LAMA4: variants seen among roughly 807,000 people sequenced by gnomAD.
LAMA4 encodes laminin subunit alpha-4.
In LAMA4, 127 loss-of-function variants were observed where a neutral mutation model predicts 207.1. The ratio of observed to expected loss-of-function variants is 0.61; its 90% confidence interval spans 0.53 to 0.71. The LOEUF (loss-of-function observed/expected upper bound fraction) is 0.71, where lower values mean the gene tolerates loss of function less well. Ranked by LOEUF, LAMA4 falls within the 30% of genes least tolerant of loss-of-function variation. The pLI, the probability that LAMA4 is intolerant of heterozygous loss-of-function variation, is 0.00. For synonymous variants in LAMA4, 761 were observed against 816.0 expected (o/e 0.93, Z 1.15); for missense variants, 2,093 against 2,246.5 (o/e 0.93, Z 1.38).
At chr6:112,145,018 C>A in intron 18 of LAMA4, 85 bp from the exon 19 acceptor site, 1 of 1,223,294 alleles carries the variant, frequency 8.2e-7, no homozygotes. Context: ...ACATGGATTA[C>A]ATATGGTAGA....
intron 32 of LAMA4, among the ~76,000 whole-genome samples, chr6:112,120,935 A>G (rs998624509): frequency 2.0e-5 from 3 of 152,050 alleles, no homozygotes; most frequent in Admixed American, 2.0e-4. Context: ...TTAGCCAGGG[A>G]TGGTGGTGCG....
intron 31 of LAMA4, among the ~76,000 whole-genome samples, chr6:112,126,751 A>C (rs1394413285): frequency 2.0e-5 from 3 of 152,194 alleles, no homozygotes; most frequent in Admixed American, 1.3e-4. Flanking sequence ...AAGATGTTCA[A>C]CCTCACTAGC....
chr6:112,191,867 C>T lies in LAMA4; in HGVS notation c.504-17G>A. ...GGAGCACATCTGAAGAGGAATATCA[C>T]ACATTTAAATATTTAGCATCATGGT... is the stretch of plus-strand genomic sequence containing the variant. On this transcript the variant is annotated splice_polypyrimidine_tract_variant and intron_variant, in intron 5 of 38. Transcript: ENST00000230538. The T allele has an allele frequency of 6.4e-7, 1 of 1,555,682 alleles. No homozygotes were observed. Among genetic ancestry groups the T allele is most frequent in the Non-Finnish European group, 8.9e-7 (1 of 1,127,736 alleles).
chr6:112,176,256 C>G (rs1186572273), intron 10 of LAMA4, among the ~76,000 whole-genome samples: 1 of 152,172 alleles, frequency 6.6e-6, no homozygotes, highest in Non-Finnish European at 1.5e-5. Context: ...GACTGAAATA[C>G]GTCTTTGAAT....
At chr6:112,154,357 C>CAAAAAAAAAAAA (rs55988988) in intron 16 of LAMA4, among the ~76,000 whole-genome samples, 2 of 120,268 alleles carry the variant, frequency 1.7e-5, no homozygotes, top group African/African-American at 3.0e-5. Context: ...ACACAAACTA[C>CAAAAAAAAAAAA]AAAAAAAAAA....
chr6:112,221,310 T>A (rs568372489), intron 2 of LAMA4, among the ~76,000 whole-genome samples: 7 of 152,224 alleles, frequency 4.6e-5, no homozygotes, highest in African/African-American at 1.7e-4. Context: ...TTATTTGCAT[T>A]GTGTTTCCAA....
At position 112,142,359 on chromosome 6, in the gene LAMA4, C is replaced by T. The variant is rs1779751027; in HGVS notation, c.2494-67G>A. On this transcript the variant is annotated intron_variant, in intron 19 of 38. Transcript: ENST00000230538. Reference sequence around the variant, plus strand: ...ATGGGCAGAGTGCTTTCCCGTGCTTCCCTCATTCGTGACAGGGGCCTATAA... The same window carrying T: ...ATGGGCAGAGTGCTTTCCCGTGCTTTCCTCATTCGTGACAGGGGCCTATAA... 6 of 1,455,460 alleles carry T rather than the reference C, an allele frequency of 4.1e-6. No individual in the cohort carries two copies. The South Asian group carries it at 5.7e-5, about 14-fold the overall frequency. 90.2% of individuals were successfully genotyped at this position (1,455,460 alleles called of 1,614,324 possible).
In LAMA4 at chr6:112,141,636, G is replaced by A. The variant is rs1441903419; in HGVS notation, c.2668-133C>T. ...CTTCTGGCCTGAATTATTATCCGAA[G>A]CTCCTGTGAGCAGGCAGTGTCTCTT... On this transcript the variant is annotated intron_variant, in intron 20 of 38. Transcript: ENST00000230538. 4 of 722,906 alleles carry A rather than the reference G, an allele frequency of 5.5e-6. No individual in the cohort carries two copies. In the African/African-American group the frequency reaches 7.1e-5, roughly 13 times the overall value. The allele number at this position is 722,906 out of a possible 1,614,324, so 44.8% of individuals were successfully genotyped here.
At chr6:112,165,747 T>A (rs1385667293) in intron 12 of LAMA4, among the ~76,000 whole-genome samples, 1 of 152,204 alleles carries the variant, frequency 6.6e-6, no homozygotes, top group Non-Finnish European at 1.5e-5. Flanking sequence ...TATGTCCTTT[T>A]AAAAATTAAA....
intron 2 of LAMA4, among the ~76,000 whole-genome samples, chr6:112,231,516 G>A (rs782227609): frequency 2.4e-4 from 37 of 152,150 alleles, no homozygotes; most frequent in Non-Finnish European, 4.6e-4. Flanking sequence ...AATAGACCAC[G>A]AAGCAAATAA....
intron 28 of LAMA4, among the ~76,000 whole-genome samples, chr6:112,131,939 C>A (rs762565833): frequency 1.3e-5 from 2 of 152,116 alleles, no homozygotes; most frequent in Admixed American, 6.6e-5. Context: ...CTCTACAGAC[C>A]TTAGTTTATT....
chr6:112,226,664 C>G (rs1235535664), intron 2 of LAMA4, among the ~76,000 whole-genome samples: 7 of 152,276 alleles, frequency 4.6e-5, no homozygotes, highest in South Asian at 4.1e-4. Flanking sequence ...CATAGTCATT[C>G]GCAAATAGCA....
At chr6:112,254,361 C>G (rs1265115146) in intron 1 of LAMA4, 70 bp from the exon 2 acceptor site, 1 of 612,152 alleles carries the variant, frequency 1.6e-6, no homozygotes, top group African/African-American at 1.8e-5. Context: ...CTCTCTCTCC[C>G]CTTCTCCCCC....
In LAMA4 at chr6:112,141,467, C is replaced by T; in HGVS notation, c.2704G>A (p.Asp902Asn). Residue 902 changes from aspartate to asparagine, a missense_variant, in exon 21 of 39, where the codon GAT becomes AAT. Asp to Asn is a conservative substitution (Grantham distance 23, BLOSUM62 1). Around this residue, in one of 3 missense-constraint regions of LAMA4, gnomAD observed 1,704 missense variants for 1,788.4 expected, o/e 0.95. Transcript: ENST00000230538. The stretch of plus-strand genomic sequence containing the variant: ...AAATTATAGACGTATACCAGATTAT[C>T]ATTTTTGATTGCAAGACCCATATAC... The part of the protein sequence containing the change: ...KEYMGLAIKN[D>N]NLVYVYNLGT... 6.2e-7 allele frequency: 1 copy of T among 1,610,976 alleles called. No homozygotes were observed. Among genetic ancestry groups the T allele is most frequent in the Non-Finnish European group, 8.5e-7 (1 of 1,177,136 alleles).
chr6:112,165,009 C>T (rs1452343365), intron 13 of LAMA4, 151 bp downstream of exon 13: 16 of 696,080 alleles, frequency 2.3e-5, no homozygotes, highest in African/African-American at 1.8e-4. Flanking sequence ...TGGTGGTCAT[C>T]GTACAGTGCA....
At chr6:112,206,016 C>T (rs1334928605) in intron 4 of LAMA4, among the ~76,000 whole-genome samples, 2 of 152,224 alleles carry the variant, frequency 1.3e-5, no homozygotes, top group Non-Finnish European at 2.9e-5. Flanking sequence ...TCTTCACTCC[C>T]ACTTCTCCAT....
In LAMA4 at chr6:112,114,662, C is replaced by T. The variant is rs368035482; in HGVS notation, c.5206+1G>A. The T allele has an allele frequency of 2.1e-5, 33 of 1,606,938 alleles. No individual in the cohort carries two copies. Among genetic ancestry groups the T allele is most frequent in the Non-Finnish European group, 2.7e-5 (32 of 1,173,758 alleles). On this transcript the variant is annotated splice_donor_variant, in intron 37 of 38. Coordinates refer to ENST00000230538, the MANE Select transcript of LAMA4 (RefSeq NM_001105206.3). LOFTEE classifies it high-confidence loss of function. ...CTCCCCAGGGCAGTCAGTTTTCTCA[C>T]CTGTAATTCTGTGCCATCTGCCATC... is the stretch of plus-strand genomic sequence containing the variant.
chr6:112,186,561 C>T (rs1185473905), intron 8 of LAMA4, among the ~76,000 whole-genome samples: 1 of 152,126 alleles, frequency 6.6e-6, no homozygotes, highest in Non-Finnish European at 1.5e-5. Flanking sequence ...GGAGATTGGT[C>T]CCAGGACCCC....
intron 6 of LAMA4, among the ~76,000 whole-genome samples, chr6:112,191,133 C>T (rs570549161): frequency 2.0e-5 from 3 of 151,824 alleles, no homozygotes; most frequent in Non-Finnish European, 4.4e-5. Flanking sequence ...AGGCACCCAC[C>T]ACCATGCCCA....
Sources: allele counts gnomAD v4.1 joint callset (sites outside exome capture counted in the v4.1 genomes callset), GRCh38; gene constraint gnomAD v4.1.1; regional missense constraint gnomAD v4.1.1; transcripts MANE v1.5; gene names NCBI Gene and HGNC (gene_info 2026-07-23, HGNC 2026-07-21).